The following PARD3B variants were observed in gnomAD, a reference collection of about 807,000 sequenced individuals.
PARD3B encodes the protein partitioning defective 3 homolog B.
Under a neutral mutation model 130.2 loss-of-function variants are expected in PARD3B, and 103 were observed. That is an observed-to-expected ratio of 0.79 (90% confidence interval 0.67 to 0.93). The LOEUF (loss-of-function observed/expected upper bound fraction) is 0.93, where lower values mean the gene tolerates loss of function less well. PARD3B is among the 40% of genes least tolerant of loss of function. The probability of loss-of-function intolerance (pLI) is 0.00; values close to 1 mark genes in which losing one functional copy is unlikely to be tolerated. For missense variants in PARD3B, 1,609 were observed against 1,499.2 expected, an observed-to-expected ratio of 1.07 and a Z score of -1.21; for synonymous variants, 583 against 553.2, an observed-to-expected ratio of 1.05 and a Z score of -0.76.
chr2:204,555,093 C>T (rs2030824934), intron 1 of PARD3B, among the ~76,000 whole-genome samples: 1 of 152,130 alleles, frequency 6.6e-6, no homozygotes, highest in Non-Finnish European at 1.5e-5. Context: ...AATGAGTGTT[C>T]CTGGTAGGCA....
chr2:204,862,639 G>C (rs1028022946), intron 2 of PARD3B, among the ~76,000 whole-genome samples: 1 of 151,670 alleles, frequency 6.6e-6, no homozygotes, highest in African/African-American at 2.4e-5. Context: ...TTTCTTTTTT[G>C]TTCTGTCCCC....
chr2:205,177,962 G>A (rs1037333487), intron 13 of PARD3B, among the ~76,000 whole-genome samples: 1 of 151,600 alleles, frequency 6.6e-6, no homozygotes, highest in African/African-American at 2.4e-5. Flanking sequence ...GACTTATATT[G>A]GTCTATTGAA....
At chr2:205,567,463 T>C (rs1055092504) in intron 22 of PARD3B, among the ~76,000 whole-genome samples, 4 of 147,442 alleles carry the variant, frequency 2.7e-5, no homozygotes, top group Non-Finnish European at 4.5e-5. Context: ...TACAGGTGCC[T>C]GCCACCATGC....
intron 16 of PARD3B, among the ~76,000 whole-genome samples, chr2:205,252,416 C>G (rs2039887730): frequency 6.6e-6 from 1 of 152,068 alleles, no homozygotes; most frequent in Non-Finnish European, 1.5e-5. Context: ...CACCCTCATG[C>G]TAAAGAGTTC....
intron 15 of PARD3B, among the ~76,000 whole-genome samples, chr2:205,240,897 T>C (rs1276153875): frequency 6.6e-6 from 1 of 152,206 alleles, no homozygotes; most frequent in Admixed American, 6.5e-5. Flanking sequence ...TATAAATGTA[T>C]CCTACTGGGA....
chr2:204,976,454 A>T (rs1692161462), intron 3 of PARD3B, among the ~76,000 whole-genome samples: 1 of 152,162 alleles, frequency 6.6e-6, no homozygotes, highest in Non-Finnish European at 1.5e-5. Context: ...ATGAATTCAT[A>T]CATATATGTA....
intron 15 of PARD3B, among the ~76,000 whole-genome samples, chr2:205,208,536 T>A (rs2037447029): frequency 2.1e-5 from 3 of 144,572 alleles, no homozygotes; most frequent in Admixed American, 6.8e-5. Context: ...GGATACAAAA[T>A]CAATGTACAA....
intron 19 of PARD3B, among the ~76,000 whole-genome samples, chr2:205,414,937 T>A (rs1363708709): frequency 2.0e-5 from 3 of 152,076 alleles, no homozygotes; most frequent in East Asian, 3.9e-4. Flanking sequence ...GTGGGTTGAC[T>A]TTGTTTTAAA....
chr2:205,027,464 C>A (rs1319942916), intron 3 of PARD3B, among the ~76,000 whole-genome samples: 1 of 151,718 alleles, frequency 6.6e-6, no homozygotes, highest in Non-Finnish European at 1.5e-5. Context: ...GAGACTAATC[C>A]CTCATCAAAT....
chr2:205,280,604 G>T lies in PARD3B; in HGVS notation c.2186-19926G>T, dbSNP rs2041150896. Among the ~76,000 whole-genome samples, 1 of 152,156 alleles carries T rather than the reference G, an allele frequency of 6.6e-6. No individual in the cohort carries two copies. The highest frequency in any genetic ancestry group is 1.5e-5 in the Non-Finnish European group (1 of 68,024). On this transcript the variant is annotated intron_variant, in intron 16 of 22. Coordinates refer to ENST00000406610, the MANE Select transcript of PARD3B (RefSeq NM_001302769.2). The surrounding 1 kb of genome is among the most constrained non-coding windows in gnomAD (Gnocchi z 4.7). ...TCAGTTTTGTAAATAAGTATCTGTT[G>T]TCTCCCCAGATCAAGCTGTGTTTGT...
At chr2:205,083,599 C>A (rs1177372633) in intron 4 of PARD3B, among the ~76,000 whole-genome samples, 1 of 150,492 alleles carries the variant, frequency 6.6e-6, no homozygotes, top group African/African-American at 2.4e-5. Flanking sequence ...CTGTTTGATT[C>A]TTCTTTTTTT....
At chr2:205,097,743 G>C (rs1488900489) in intron 4 of PARD3B, among the ~76,000 whole-genome samples, 1 of 152,038 alleles carries the variant, frequency 6.6e-6, no homozygotes, top group Non-Finnish European at 1.5e-5. Flanking sequence ...ATAAAACACA[G>C]TTCTTCTTAA....
rs180696991 is a variant in PARD3B, at chr2:205,406,536, A to G, written c.2741+5413A>G. ...TTTCAGTCACTGATCTATTTCCTTT[A>G]TTGTCTTAATTATATTTATACATAA... On this transcript the variant is annotated intron_variant, in intron 19 of 22. Coordinates refer to ENST00000406610, the MANE Select transcript of PARD3B (RefSeq NM_001302769.2). Among the ~76,000 whole-genome samples, 516 of 151,736 alleles carry G rather than the reference A, an allele frequency of 3.4e-3. 6 individuals are homozygous for G. Among genetic ancestry groups the G allele is most frequent in the Non-Finnish European group, 5.0e-3 (341 of 67,890 alleles).
At chr2:205,429,446 C>T (rs2047254010) in intron 19 of PARD3B, among the ~76,000 whole-genome samples, 1 of 152,118 alleles carries the variant, frequency 6.6e-6, no homozygotes. Flanking sequence ...TCAAAAATGA[C>T]CATTGTGCAA....
At chr2:205,148,618 A>C (rs919896046) in intron 10 of PARD3B, among the ~76,000 whole-genome samples, 10 of 152,148 alleles carry the variant, frequency 6.6e-5, no homozygotes, top group African/African-American at 2.4e-4. Context: ...GTCACCTTAA[A>C]TTTCTTAGAA....
At chr2:204,642,285 A>G (rs72930278) in intron 1 of PARD3B, among the ~76,000 whole-genome samples, 496 of 152,282 alleles carry the variant, frequency 3.3e-3, no homozygotes, top group Non-Finnish European at 5.5e-3. Context: ...ATCTGGAGAG[A>G]AGCTGTGTCA....
intron 18 of PARD3B, among the ~76,000 whole-genome samples, chr2:205,390,574 T>C (rs1264081747): frequency 6.6e-6 from 1 of 152,220 alleles, no homozygotes; most frequent in East Asian, 1.9e-4. Context: ...TAAGTTTTAC[T>C]CCCATTAGAC....
rs147048924 is a variant in PARD3B, at chr2:204,931,911, G to A, written c.223-33241G>A. 6.8e-4 allele frequency among the ~76,000 whole-genome samples: 104 copies of A among 152,110 alleles called. 1 individual carries two copies. The highest frequency in any genetic ancestry group is 2.4e-3 in the African/African-American group (101 of 41,528). ...TCAGTCTCAGATACTCATAATCATT[G>A]CTTTGTTTTTTAAAGACCTTTGATT... On this transcript the variant is annotated intron_variant, in intron 2 of 22. Transcript: ENST00000406610.
chr2:204,889,714 C>G (rs1365704450), intron 2 of PARD3B, among the ~76,000 whole-genome samples: 4 of 152,192 alleles, frequency 2.6e-5, no homozygotes, highest in African/African-American at 9.6e-5. Flanking sequence ...CAACAGTCAG[C>G]AGGCATGGCT....
Sources: allele counts gnomAD v4.1 joint callset (sites outside exome capture counted in the v4.1 genomes callset), GRCh38; gene constraint gnomAD v4.1.1; non-coding constraint Gnocchi (gnomAD v3.1); transcripts MANE v1.5; gene names NCBI Gene and HGNC (gene_info 2026-07-23, HGNC 2026-07-21).